The following PLCE1 variants were observed in gnomAD, a reference collection of about 807,000 sequenced individuals.
PLCE1 encodes the protein phospholipase C epsilon 1.
PLCE1 carries 119 observed loss-of-function variants against 242.8 expected under a neutral mutation model. The observed-to-expected ratio is 0.49, with a 90% CI of 0.42 to 0.57. PLCE1 has a LOEUF of 0.57. Among genes scored for constraint, PLCE1 ranks in the 20% least tolerant of loss-of-function variants. PLCE1 has a pLI of 0.00. For synonymous variants in PLCE1, 945 were observed against 1,017.4 expected (o/e 0.93, Z 1.35); for missense variants, 2,441 against 2,788.8 (o/e 0.88, Z 2.81).
chr10:94,273,823 T>C (rs996589433), intron 19 of PLCE1, 103 bp downstream of exon 19: 15 of 1,075,028 alleles, frequency 1.4e-5, no homozygotes, highest in Admixed American at 8.7e-5. Flanking sequence ...TTACTAGTTT[T>C]TCAAGACTGA....
intron 4 of PLCE1, among the ~76,000 whole-genome samples, chr10:94,173,001 C>T (rs1445866934): frequency 6.6e-6 from 1 of 152,198 alleles, no homozygotes; most frequent in Non-Finnish European, 1.5e-5. Context: ...TCCTGAACAC[C>T]AGTCTATCTG....
intron 1 of PLCE1, among the ~76,000 whole-genome samples, chr10:94,025,996 G>C (rs903293404): frequency 2.0e-5 from 3 of 152,090 alleles, no homozygotes; most frequent in African/African-American, 4.8e-5. Context: ...CTACAGACAT[G>C]ACATAAATAA....
chr10:94,299,004 C>T (rs2052942151), intron 24 of PLCE1, among the ~76,000 whole-genome samples: 1 of 152,154 alleles, frequency 6.6e-6, no homozygotes, highest in African/African-American at 2.4e-5. Context: ...CCTAACACTG[C>T]CCAGTTAACC....
intron 4 of PLCE1, among the ~76,000 whole-genome samples, chr10:94,196,206 C>G (rs2048816174): frequency 6.6e-6 from 1 of 152,188 alleles, no homozygotes; most frequent in African/African-American, 2.4e-5. Flanking sequence ...ATATACACTA[C>G]CTCCTTGCTA....
chr10:94,235,822 A>C lies in PLCE1; in HGVS notation c.2215-93A>C, dbSNP rs11187828. The C allele has an allele frequency of 0.081, 117,516 of 1,450,974 alleles. 5,580 individuals are homozygous for C. Among genetic ancestry groups the C allele is most frequent in the African/African-American group, 0.19 (13,717 of 71,136 alleles). 89.9% of individuals were successfully genotyped at this position (1,450,974 alleles called of 1,614,324 possible). A position where few individuals can be genotyped will look rare whatever the true frequency, so the allele number is the denominator to read the frequency against. ...TTCCCATAAAATAGGCACAAATGCC[A>C]TTATTTATTACTTTATGATTTCATT... On this transcript the variant is annotated intron_variant, in intron 6 of 32. Transcript: ENST00000371380.
intron 2 of PLCE1, among the ~76,000 whole-genome samples, chr10:94,076,831 T>C (rs955085018): frequency 6.7e-6 from 1 of 149,414 alleles, no homozygotes; most frequent in Non-Finnish European, 1.5e-5. Flanking sequence ...TGACCACACA[T>C]CCTTTTACAA....
At chr10:94,016,768 G>T (rs1324715630) in intron 1 of PLCE1, among the ~76,000 whole-genome samples, 1 of 152,144 alleles carries the variant, frequency 6.6e-6, no homozygotes, top group Non-Finnish European at 1.5e-5. Flanking sequence ...CACAGTAAAT[G>T]TGTAGGTATG....
At chr10:94,086,647 A>G (rs1176181921) in intron 2 of PLCE1, among the ~76,000 whole-genome samples, 2 of 152,162 alleles carry the variant, frequency 1.3e-5, no homozygotes, top group Admixed American at 6.5e-5. Context: ...CATGTTCAAA[A>G]TGTGTATTTA....
intron 31 of PLCE1, 24 bp from the exon 32 acceptor site, chr10:94,324,868 A>G (rs781612913): frequency 7.4e-6 from 12 of 1,610,768 alleles, no homozygotes; most frequent in Admixed American, 1.7e-5. Context: ...CCTAACACCA[A>G]TGGAAGGTTC....
At chr10:94,010,923 T>C (rs1192150063) in intron 1 of PLCE1, among the ~76,000 whole-genome samples, 3 of 152,206 alleles carry the variant, frequency 2.0e-5, no homozygotes, top group Non-Finnish European at 4.4e-5. Context: ...CCCCCATCTT[T>C]CTGTCTTTTT....
chr10:94,255,865 TCTTTA>T (rs944383347), intron 11 of PLCE1, among the ~76,000 whole-genome samples: 1 of 149,060 alleles, frequency 6.7e-6, no homozygotes, highest in African/African-American at 2.5e-5. Context: ...AAACAGGAAC[TCTTTA>T]CTTTATCTCA....
At chr10:94,272,910 A>T (rs1409337917) in intron 18 of PLCE1, among the ~76,000 whole-genome samples, 2 of 152,220 alleles carry the variant, frequency 1.3e-5, no homozygotes, top group Admixed American at 1.3e-4. Context: ...CAATTAAAAA[A>T]TAACTCAAGG....
rs1209405400 is a variant in PLCE1, at chr10:94,031,695, G to T, written c.649G>T (p.Val217Leu). 29 of 1,613,760 alleles carry T rather than the reference G, an allele frequency of 1.8e-5. No individual in the cohort carries two copies. Among genetic ancestry groups the T allele is most frequent in the Non-Finnish European group, 2.2e-5 (26 of 1,179,890 alleles). ...NLILDDCGNC[V>L]PLPGGEEKQK... ...AATTTTAGACGATTGTGGAAATTGT[G>T]TACCACTACCTGGGGGTGAGGAGAA... The change falls in exon 2 of 33, where the codon GTA (valine) becomes TTA (leucine). Residue 217 changes from valine (V) to leucine (L), a missense_variant. Transcript: ENST00000371380.
intron 27 of PLCE1, among the ~76,000 whole-genome samples, chr10:94,309,991 A>G (rs1343090813): frequency 6.6e-6 from 1 of 152,162 alleles, no homozygotes; most frequent in Non-Finnish European, 1.5e-5. Flanking sequence ...ACACCACTGC[A>G]CTCCAGCATG....
Position 94,210,069 on chromosome 10 carries a change from G to A in PLCE1, c.1810-17237G>A, listed in dbSNP as rs75887418. Among the ~76,000 whole-genome samples the A allele has an allele frequency of 3.1e-3, 477 of 152,050 alleles. 4 individuals carry two copies. The highest frequency in any genetic ancestry group is 0.011 in the African/African-American group (458 of 41,472). On this transcript the variant is annotated intron_variant, in intron 4 of 32. Transcript: ENST00000371380. ...GCATCTAGTACAGAATATTTGTCCA[G>A]TCAACAGACCAAAAAAATGATCTTT...
At chr10:94,027,798 C>T (rs754445813) in intron 1 of PLCE1, among the ~76,000 whole-genome samples, 49 of 151,138 alleles carry the variant, frequency 3.2e-4, no homozygotes, top group Non-Finnish European at 5.7e-4. Flanking sequence ...TCCAGCCTGG[C>T]GACAGAGTGA....
Position 94,331,036 on chromosome 10 carries a change from A to C in PLCE1, c.*3093A>C, listed in dbSNP as rs1477896109. On this transcript the variant is annotated 3_prime_UTR_variant, in exon 33 of 33. Coordinates refer to ENST00000371380, the MANE Select transcript of PLCE1 (RefSeq NM_016341.4). ...TTCTGTCACTCTATTCAGTGATGCCAAATCTGTAGGAATGATCCTATCTGG... is the reference window on the plus strand; with the variant it reads ...TTCTGTCACTCTATTCAGTGATGCCCAATCTGTAGGAATGATCCTATCTGG... The C allele has an allele frequency of 2.0e-5, 3 of 152,218 alleles. No homozygotes were observed. In the East Asian group the frequency reaches 5.8e-4, roughly 29 times the overall value. 9.4% of individuals were successfully genotyped at this position (152,218 alleles called of 1,614,324 possible).
chr10:94,279,820 T>C lies in PLCE1; in HGVS notation c.4704T>C (p.Asn1568=), dbSNP rs376616471. The C allele has an allele frequency of 1.0e-4, 168 of 1,613,486 alleles. No individual in the cohort carries two copies. The highest frequency in any genetic ancestry group is 1.5e-4 in the Admixed American group (9 of 59,960). ...CATCTATGCAAGTGCAGGCTTATAA[T>C]GGTGGGAATGCCAACCCCCGACCTG... The part of the protein sequence containing the change: ...QLASMQVQAY[N]GGNANPRPAN... Residue 1568 remains asparagine, a synonymous_variant, in exon 20 of 33, where the codon AAT becomes AAC. Transcript: ENST00000371380.
At chr10:94,106,933 T>TCTCTCTCTCTCTCTCTCTCTCTCC in intron 2 of PLCE1, 1 of 129,554 alleles carries the variant, frequency 7.7e-6, no homozygotes, top group Non-Finnish European at 1.7e-5. Context: ...TCTCTCTCTC[T>TCTCTCTCTCTCTCTCTCTCTCTCC]CTCTCTCTCT....
Sources: gnomAD v4.1 joint callset for allele counts (sites outside exome capture counted in the v4.1 genomes callset) on GRCh38, gnomAD v4.1.1 for gene constraint, MANE v1.5 for transcripts, NCBI Gene and HGNC (gene_info 2026-07-23, HGNC 2026-07-21) for gene names.